Variants in FCHSD2 observed in about 807,000 individuals in gnomAD.
FCHSD2 encodes F-BAR and double SH3 domains protein 2.
A neutral mutation model predicts 108.1 loss-of-function variants in FCHSD2; 38 were observed. The observed-to-expected ratio is 0.35, with a 90% CI of 0.27 to 0.46. The LOEUF (loss-of-function observed/expected upper bound fraction) is 0.46. Among genes scored for constraint, FCHSD2 ranks in the 20% least tolerant of loss-of-function variants. The probability of loss-of-function intolerance (pLI) is 1.00; values close to 1 mark genes in which losing one functional copy is unlikely to be tolerated. For missense variants in FCHSD2, 751 were observed against 897.8 expected (o/e 0.84, Z 2.09); for synonymous variants, 279 against 314.7 (o/e 0.89, Z 1.20).
intron 8 of FCHSD2, among the ~76,000 whole-genome samples, chr11:72,930,063 A>C (rs1856157996): frequency 6.6e-6 from 1 of 152,210 alleles, no homozygotes; most frequent in South Asian, 2.1e-4. Context: ...ATGATGAAAA[A>C]AATAATATGT....
chr11:72,895,801 G>A (rs1855405681), intron 10 of FCHSD2, among the ~76,000 whole-genome samples: 1 of 152,136 alleles, frequency 6.6e-6, no homozygotes, highest in Non-Finnish European at 1.5e-5. Flanking sequence ...CTCATTTTTG[G>A]ATACTGTGCC....
At chr11:73,105,408 C>T (rs1040196867) in intron 2 of FCHSD2, among the ~76,000 whole-genome samples, 2 of 152,182 alleles carry the variant, frequency 1.3e-5, no homozygotes, top group African/African-American at 4.8e-5. Flanking sequence ...CACCATGCCC[C>T]AGAATCTACC....
chr11:72,923,188 C>CT (rs1489035968), intron 8 of FCHSD2, among the ~76,000 whole-genome samples: 2 of 152,070 alleles, frequency 1.3e-5, no homozygotes, highest in African/African-American at 2.4e-5. Context: ...ATAAATTTGC[C>CT]TTTTCCCCAT....
chr11:73,100,173 C>T (rs1272178722), intron 2 of FCHSD2, among the ~76,000 whole-genome samples: 1 of 152,164 alleles, frequency 6.6e-6, no homozygotes, highest in Non-Finnish European at 1.5e-5. Context: ...TGTGAACACA[C>T]CCTCTGTTTC....
At chr11:72,882,976 A>G (rs78115530) in intron 12 of FCHSD2, among the ~76,000 whole-genome samples, 3,409 of 152,350 alleles carry the variant, frequency 0.022, 131 homozygotes, top group African/African-American at 0.076. Context: ...CATATAGACC[A>G]ATGGAACTGA....
chr11:73,137,977 G>T (rs1239618050), intron 2 of FCHSD2, among the ~76,000 whole-genome samples: 1 of 152,166 alleles, frequency 6.6e-6, no homozygotes, highest in Non-Finnish European at 1.5e-5. Flanking sequence ...GCTAACTGGT[G>T]GTAATGTGGA....
chr11:73,044,558 C>CA (rs956674344), intron 3 of FCHSD2, among the ~76,000 whole-genome samples: 2 of 152,152 alleles, frequency 1.3e-5, no homozygotes, highest in South Asian at 2.1e-4. Context: ...GCCTGGGTGA[C>CA]AGAGTGAGAC....
chr11:73,001,995 T>C (rs1309742251), intron 4 of FCHSD2, among the ~76,000 whole-genome samples: 3 of 152,220 alleles, frequency 2.0e-5, no homozygotes, highest in Non-Finnish European at 4.4e-5. Context: ...TTTATAACAA[T>C]GGCAATGCTT....
chr11:72,841,781 T>C (rs542300319), intron 17 of FCHSD2, among the ~76,000 whole-genome samples, 198 bp from the exon 18 acceptor site: 2 of 152,334 alleles, frequency 1.3e-5, no homozygotes, highest in African/African-American at 4.8e-5. Flanking sequence ...CTTTTTCCTC[T>C]TACAGATCTC....
chr11:73,050,103 G>A (rs1363355736), intron 3 of FCHSD2, among the ~76,000 whole-genome samples: 1 of 152,168 alleles, frequency 6.6e-6, no homozygotes, highest in East Asian at 1.9e-4. Flanking sequence ...GGCTCTGCAG[G>A]CCATAAGATC....
At chr11:72,949,613 T>C (rs1169652087) in intron 8 of FCHSD2, among the ~76,000 whole-genome samples, 1 of 152,236 alleles carries the variant, frequency 6.6e-6, no homozygotes, top group East Asian at 1.9e-4. Flanking sequence ...ACAAATGAAA[T>C]GGAATCATAC....
rs115373005 is a variant in FCHSD2 at position 73,003,127 on chromosome 11, C to T, written c.243-1993G>A. Among the ~76,000 whole-genome samples the T allele has an allele frequency of 7.9e-3, 1,208 of 152,228 alleles. 19 individuals are homozygous for T. The highest frequency in any genetic ancestry group is 0.027 in the African/African-American group (1,132 of 41,538). Reference sequence around the variant, plus strand: ...CAGATTTATAGCAGGGAAACATATCCTGAACACTGATATACCATGAAAAGC... The same window carrying T: ...CAGATTTATAGCAGGGAAACATATCTTGAACACTGATATACCATGAAAAGC... On this transcript the variant is annotated intron_variant, in intron 4 of 19. Coordinates refer to ENST00000409418, the MANE Select transcript of FCHSD2 (RefSeq NM_014824.3).
intron 8 of FCHSD2, among the ~76,000 whole-genome samples, chr11:72,982,446 G>A (rs1012669635): frequency 1.3e-4 from 20 of 152,304 alleles, no homozygotes; most frequent in South Asian, 2.1e-4. Flanking sequence ...ATTTGAGGGG[G>A]ATGGGTTGAA....
chr11:72,997,875 A>G lies in FCHSD2; in HGVS notation c.387+3115T>C, dbSNP rs115677815. Among the ~76,000 whole-genome samples the G allele has an allele frequency of 5.1e-3, 783 of 152,182 alleles. 6 individuals are homozygous for G. The highest frequency in any genetic ancestry group is 0.018 in the African/African-American group (761 of 41,530). ...ACCACCACACCTGGCTAATTTTTAC[A>G]TTTTTTGTAGAGACGGGATTTCACC... On this transcript the variant is annotated intron_variant, in intron 5 of 19. Coordinates refer to ENST00000409418, the MANE Select transcript of FCHSD2 (RefSeq NM_014824.3).
chr11:72,862,407 G>GA (rs1342119935), intron 13 of FCHSD2, among the ~76,000 whole-genome samples: 2 of 152,148 alleles, frequency 1.3e-5, no homozygotes, highest in Non-Finnish European at 2.9e-5. Context: ...CAGGATATAA[G>GA]ATCAATATAC....
At chr11:73,050,797 TTAAG>T (rs2135475363) in intron 3 of FCHSD2, among the ~76,000 whole-genome samples, 1 of 152,106 alleles carries the variant, frequency 6.6e-6, no homozygotes, top group East Asian at 1.9e-4. Context: ...AAAACTATAA[TTAAG>T]TTTTACCAAA....
At chr11:73,070,930 C>A (rs1859421533) in intron 3 of FCHSD2, among the ~76,000 whole-genome samples, 1 of 151,932 alleles carries the variant, frequency 6.6e-6, no homozygotes, top group South Asian at 2.1e-4. Context: ...AGAAGTAAAA[C>A]CTAGAACAAT....
chr11:73,019,593 G>C (rs1409786829), intron 3 of FCHSD2, among the ~76,000 whole-genome samples: 1 of 152,080 alleles, frequency 6.6e-6, no homozygotes, highest in Non-Finnish European at 1.5e-5. Context: ...TCATGAAATA[G>C]ACAAACAATG....
At chr11:73,089,264 C>T (rs938094498) in intron 2 of FCHSD2, among the ~76,000 whole-genome samples, 1 of 151,926 alleles carries the variant, frequency 6.6e-6, no homozygotes, top group Non-Finnish European at 1.5e-5. Flanking sequence ...TTAATGGATG[C>T]TATAATAAAA....
Sources: allele counts gnomAD v4.1 joint callset (sites outside exome capture counted in the v4.1 genomes callset), GRCh38; gene constraint gnomAD v4.1.1; transcripts MANE v1.5; gene names NCBI Gene and HGNC (gene_info 2026-07-23, HGNC 2026-07-21).